CRK: variants seen among roughly 807,000 people sequenced by gnomAD.
CRK encodes CRK proto-oncogene, adaptor protein, also known as adapter molecule crk.
Under a neutral mutation model 29.8 loss-of-function variants are expected in CRK, and 4 were observed. The observed-to-expected ratio is 0.13, with a 90% confidence interval of 0.07 to 0.31. The LOEUF (loss-of-function observed/expected upper bound fraction) is 0.31. Ranked by LOEUF, CRK falls within the 10% of genes least tolerant of loss-of-function variation. The pLI, the probability that CRK is intolerant of heterozygous loss-of-function variation, is 1.00. For missense variants in CRK, 274 were observed against 396.5 expected (o/e 0.69, Z 2.62); for synonymous variants, 153 against 164.9 (o/e 0.93, Z 0.55).
intron 1 of CRK, among the ~76,000 whole-genome samples, chr17:1,455,617 C>T (rs1284446271): frequency 6.6e-6 from 1 of 152,202 alleles, no homozygotes; most frequent in Non-Finnish European, 1.5e-5. Context: ...GAGCCAGCCC[C>T]ACCCTGGGGC....
chr17:1,449,690 A>G (rs1236591084), intron 1 of CRK, among the ~76,000 whole-genome samples: 2 of 152,150 alleles, frequency 1.3e-5, no homozygotes, highest in African/African-American at 4.8e-5. Flanking sequence ...AAAAAAAACT[A>G]GTTTCTTGCA....
intron 1 of CRK, among the ~76,000 whole-genome samples, chr17:1,452,468 T>G (rs980095040): frequency 1.3e-5 from 2 of 152,102 alleles, no homozygotes; most frequent in African/African-American, 4.8e-5. Context: ...TACTTGAGAT[T>G]TGTGAGGTAC....
intron 1 of CRK, among the ~76,000 whole-genome samples, chr17:1,438,423 C>G (rs569831611): frequency 1.3e-5 from 2 of 152,198 alleles, no homozygotes; most frequent in Non-Finnish European, 2.9e-5. Context: ...AGCCACAGTG[C>G]CTGGCCTCTG....
chr17:1,452,969 C>A (rs747719284), intron 1 of CRK, among the ~76,000 whole-genome samples: 1 of 151,938 alleles, frequency 6.6e-6, no homozygotes, highest in Non-Finnish European at 1.5e-5. Flanking sequence ...GTTAACCAGG[C>A]ATGGTGGATA....
chr17:1,453,947 T>C (rs1051171000), intron 1 of CRK, among the ~76,000 whole-genome samples: 12 of 151,868 alleles, frequency 7.9e-5, no homozygotes, highest in African/African-American at 2.9e-4. Context: ...ACGCCTGTAA[T>C]CCCAGCATTT....
intron 1 of CRK, among the ~76,000 whole-genome samples, chr17:1,441,548 C>T (rs1310202135): frequency 6.6e-6 from 1 of 150,436 alleles, no homozygotes; most frequent in Non-Finnish European, 1.5e-5. Context: ...CTGGAGTGCA[C>T]TGGAGCCATC....
At chr17:1,433,724 G>A (rs928532916) in intron 2 of CRK, among the ~76,000 whole-genome samples, 6 of 151,466 alleles carry the variant, frequency 4.0e-5, no homozygotes, top group African/African-American at 1.2e-4. Context: ...TCATCATATC[G>A]GTCAGGCTGG....
intron 1 of CRK, among the ~76,000 whole-genome samples, chr17:1,437,975 T>C (rs1047662980): frequency 2.0e-5 from 3 of 152,038 alleles, no homozygotes; most frequent in African/African-American, 7.2e-5. Context: ...CTGCATCTAC[T>C]TTTCAACCTC....
chr17:1,451,995 A>T (rs538099970), intron 1 of CRK, among the ~76,000 whole-genome samples: 1 of 152,270 alleles, frequency 6.6e-6, no homozygotes, highest in South Asian at 2.1e-4. Context: ...TCCAAAAACA[A>T]CAAAACAAAA....
chr17:1,424,072 T>TTTC (rs2073753422), intron 2 of CRK, among the ~76,000 whole-genome samples: 2 of 147,294 alleles, frequency 1.4e-5, no homozygotes, highest in South Asian at 4.5e-4. Context: ...TCTCCGTTTT[T>TTTC]TTTTTTTTTT....
At chr17:1,432,505 C>T (rs796132373) in intron 2 of CRK, among the ~76,000 whole-genome samples, 17 of 127,948 alleles carry the variant, frequency 1.3e-4, no homozygotes, top group Admixed American at 5.7e-4. Flanking sequence ...AGGCCAGGCG[C>T]GGTGGCTCAC....
At chr17:1,423,753 G>A in intron 2 of CRK, 103 bp from the exon 3 acceptor site, 1 of 1,434,346 alleles carries the variant, frequency 7.0e-7, no homozygotes, top group Non-Finnish European at 9.4e-7. Context: ...GACTGCTCTA[G>A]GGATATTACA....
At chr17:1,444,605 G>GGGGGA (rs1555654432) in intron 1 of CRK, among the ~76,000 whole-genome samples, 4 of 140,668 alleles carry the variant, frequency 2.8e-5, no homozygotes, top group Non-Finnish European at 4.6e-5. Flanking sequence ...CGGGGGGGGG[G>GGGGGA]ATCACCTGAG....
intron 2 of CRK, among the ~76,000 whole-genome samples, chr17:1,429,833 T>TGA (rs893392804): frequency 6.6e-6 from 1 of 151,360 alleles, no homozygotes; most frequent in African/African-American, 2.4e-5. Flanking sequence ...CTTGGGAGGC[T>TGA]GAGGTAGGGG....
At chr17:1,444,640 C>G (rs948548327) in intron 1 of CRK, among the ~76,000 whole-genome samples, 1 of 146,878 alleles carries the variant, frequency 6.8e-6, no homozygotes, top group Non-Finnish European at 1.5e-5. Context: ...AGCAGCCTGA[C>G]CAACATGGAG....
intron 1 of CRK, among the ~76,000 whole-genome samples, chr17:1,450,526 AAC>A (rs1350426025): frequency 2.0e-5 from 3 of 151,622 alleles, no homozygotes; most frequent in Non-Finnish European, 4.4e-5. Flanking sequence ...AAAGAAAAAA[AAC>A]ACATAAAAAT....
chr17:1,430,603 G>C (rs1283185465), intron 2 of CRK, among the ~76,000 whole-genome samples: 1 of 135,894 alleles, frequency 7.4e-6, no homozygotes, highest in Non-Finnish European at 1.6e-5. Flanking sequence ...CTGACCTCGT[G>C]ATCCGCCCGC....
At chr17:1,438,847 A>T (rs1462632725) in intron 1 of CRK, among the ~76,000 whole-genome samples, 2 of 136,042 alleles carry the variant, frequency 1.5e-5, no homozygotes, top group Admixed American at 7.1e-5. Context: ...AAGTTTCTTT[A>T]AAAAAAAAAA....
chr17:1,452,747 G>A (rs918719231), intron 1 of CRK, among the ~76,000 whole-genome samples: 1 of 151,304 alleles, frequency 6.6e-6, no homozygotes, highest in Non-Finnish European at 1.5e-5. Flanking sequence ...CCAATATCGC[G>A]CCATTGCGCT....
Sources: gnomAD v4.1 joint callset for allele counts (sites outside exome capture counted in the v4.1 genomes callset) on GRCh38, gnomAD v4.1.1 for gene constraint, MANE v1.5 for transcripts, NCBI Gene and HGNC (gene_info 2026-07-23, HGNC 2026-07-21) for gene names.